Variants in ARIH1 observed in about 807,000 individuals in gnomAD.
ARIH1 encodes the protein E3 ubiquitin-protein ligase ARIH1.
Under a neutral mutation model 85.0 loss-of-function variants are expected in ARIH1, and 8 were observed. The ratio of observed to expected loss-of-function variants is 0.09; its 90% CI spans 0.06 to 0.17. ARIH1 has a LOEUF of 0.17. Among genes scored for constraint, ARIH1 ranks in the 10% least tolerant of loss-of-function variants. The pLI is 1.00. For synonymous variants in ARIH1, 238 were observed against 253.6 expected (o/e 0.94, Z 0.59); for missense variants, 311 against 718.1 (o/e 0.43, Z 6.48).
intron 1 of ARIH1, among the ~76,000 whole-genome samples, chr15:72,498,961 A>ATTTTTTTTTTTTTTTTTTTT (rs535261674): frequency 1.1e-5 from 1 of 88,450 alleles, no homozygotes. Flanking sequence ...CTTTTCATAA[A>ATTTTTTTTTTTTTTTTTTTT]TTTTTTTTTT....
chr15:72,535,596 T>C (rs1231173861), intron 2 of ARIH1, among the ~76,000 whole-genome samples: 4 of 152,210 alleles, frequency 2.6e-5, no homozygotes, highest in Non-Finnish European at 5.9e-5. Context: ...ATTAGATATA[T>C]TGAAAAATCG....
chr15:72,505,457 C>G (rs1308979658), intron 1 of ARIH1, among the ~76,000 whole-genome samples: 1 of 151,448 alleles, frequency 6.6e-6, no homozygotes, highest in Non-Finnish European at 1.5e-5. Flanking sequence ...CATAATATTT[C>G]AAGTATGAAT....
In ARIH1 at chr15:72,591,472, T is replaced by A. The variant is rs1370520768; in HGVS notation, c.*8180T>A. ...GCAGTGAGGCTCTAGCTCTCTGGAG[T>A]CAGTTGGTCAAGTGGGATTCCTGAG... is the stretch of plus-strand genomic sequence containing the variant. On this transcript the variant is annotated 3_prime_UTR_variant, in exon 14 of 14. Transcript: ENST00000379887. The A allele has an allele frequency of 6.6e-6, 1 of 152,024 alleles. No individual in the cohort carries two copies. Among genetic ancestry groups the A allele is most frequent in the Admixed American group, 6.6e-5 (1 of 15,256 alleles). 9.4% of individuals were successfully genotyped at this position (152,024 alleles called of 1,614,324 possible).
rs2064471741 is a variant in ARIH1 at position 72,602,358 on chromosome 15, C to G, written c.*19066C>G. On this transcript the variant is annotated 3_prime_UTR_variant, in exon 14 of 14. Transcript: ENST00000379887. ...CCAATGCAAGAAATGGAAAGTATCT[C>G]TTGGAAACTAATTTGCATGTTTTTT... is the stretch of plus-strand genomic sequence containing the variant. 6.6e-6 allele frequency: 1 copy of G among 152,178 alleles called. No individual in the cohort carries two copies. 9.4% of individuals were successfully genotyped at this position (152,178 alleles called of 1,614,324 possible). A position where few individuals can be genotyped will look rare whatever the true frequency, so the allele number is the denominator to read the frequency against.
chr15:72,561,602 A>G, intron 6 of ARIH1, 53 bp downstream of exon 6: 1 of 1,040,460 alleles, frequency 9.6e-7, no homozygotes, highest in Non-Finnish European at 1.4e-6. Flanking sequence ...ATTAATAGAA[A>G]TACTATTTTA....
In ARIH1 at chr15:72,594,785, C is replaced by G. The variant is rs1001319186; in HGVS notation, c.*11493C>G. ...TAGTCTGCAAATAATGTTTTTACTTCTTTTTCTGATTTTATGCCTTTTCTT... is the reference window on the plus strand; with the variant it reads ...TAGTCTGCAAATAATGTTTTTACTTGTTTTTCTGATTTTATGCCTTTTCTT... On this transcript the variant is annotated 3_prime_UTR_variant, in exon 14 of 14. Coordinates refer to ENST00000379887, the MANE Select transcript of ARIH1 (RefSeq NM_005744.5). The G allele has an allele frequency of 1.4e-5, 1 of 71,358 alleles. No homozygotes were observed. Among genetic ancestry groups the G allele is most frequent in the African/African-American group, 6.1e-5 (1 of 16,270 alleles). The allele number at this position is 71,358 out of a possible 1,614,324, so 4.4% of individuals were successfully genotyped here. A position where few individuals can be genotyped will look rare whatever the true frequency, so the allele number is the denominator to read the frequency against.
At chr15:72,563,874 CT>C (rs2064207738) in intron 7 of ARIH1, among the ~76,000 whole-genome samples, 1 of 152,168 alleles carries the variant, frequency 6.6e-6, no homozygotes, top group African/African-American at 2.4e-5. Context: ...CAGGTAAATT[CT>C]GCTGATGGTC....
intron 1 of ARIH1, among the ~76,000 whole-genome samples, chr15:72,502,739 G>A (rs887365156): frequency 2.0e-5 from 3 of 152,170 alleles, no homozygotes; most frequent in African/African-American, 7.2e-5. Flanking sequence ...CTGGGAGGCA[G>A]AAGTTGCAGT....
intron 3 of ARIH1, among the ~76,000 whole-genome samples, chr15:72,553,471 G>C (rs1459847102): frequency 6.6e-6 from 1 of 152,104 alleles, no homozygotes; most frequent in Non-Finnish European, 1.5e-5. Flanking sequence ...AGAGTTGTGT[G>C]CCATCGCCAT....
intron 2 of ARIH1, 126 bp downstream of exon 2, chr15:72,518,260 A>C (rs1401609614): frequency 2.9e-6 from 2 of 678,496 alleles, no homozygotes; most frequent in African/African-American, 3.7e-5. Flanking sequence ...GTGTGCAACT[A>C]GTGACTGCTT....
chr15:72,493,448 TTAAA>T (rs752819168), intron 1 of ARIH1, among the ~76,000 whole-genome samples: 1 of 152,300 alleles, frequency 6.6e-6, no homozygotes, highest in East Asian at 1.9e-4. Flanking sequence ...CCCTGCTCAA[TTAAA>T]TAAATATCAG....
chr15:72,484,735 A>G (rs1174546427), intron 1 of ARIH1, among the ~76,000 whole-genome samples: 1 of 148,762 alleles, frequency 6.7e-6, no homozygotes, highest in Non-Finnish European at 1.5e-5. Flanking sequence ...GTGTGTATAT[A>G]TGTATATATA....
chr15:72,530,217 G>A (rs1337353122), intron 2 of ARIH1, among the ~76,000 whole-genome samples: 1 of 152,208 alleles, frequency 6.6e-6, no homozygotes, highest in African/African-American at 2.4e-5. Context: ...TGTTTGAAAA[G>A]TAAGATTATC....
At position 72,518,052 on chromosome 15, in the gene ARIH1, C is replaced by T; in HGVS notation, c.376-15C>T. The T allele has an allele frequency of 6.3e-7, 1 of 1,593,612 alleles. No homozygotes were observed. The highest frequency in any genetic ancestry group is 1.7e-5 in the Admixed American group (1 of 57,870). ...CTATTACCTTAAAATGACTTTTTTTCCCCTCCTTCTTTAGAATCCAGCAAC... is the reference window on the plus strand; with the variant it reads ...CTATTACCTTAAAATGACTTTTTTTTCCCTCCTTCTTTAGAATCCAGCAAC... On this transcript the variant is annotated splice_polypyrimidine_tract_variant and intron_variant, in intron 1 of 13. Coordinates refer to ENST00000379887, the MANE Select transcript of ARIH1 (RefSeq NM_005744.5).
intron 1 of ARIH1, among the ~76,000 whole-genome samples, chr15:72,516,206 AC>A (rs1171339444): frequency 2.0e-5 from 3 of 152,084 alleles, no homozygotes. Context: ...GAAATAGTTT[AC>A]CCCAAGCACC....
Position 72,518,055 on chromosome 15 carries a change from C to T in ARIH1, c.376-12C>T. On this transcript the variant is annotated splice_polypyrimidine_tract_variant and intron_variant, in intron 1 of 13. Transcript: ENST00000379887. ...TTACCTTAAAATGACTTTTTTTCCC[C>T]TCCTTCTTTAGAATCCAGCAACTAT... The T allele has an allele frequency of 6.3e-7, 1 of 1,599,698 alleles. No homozygotes were observed. The highest frequency in any genetic ancestry group is 2.2e-5 in the East Asian group (1 of 44,694).
At chr15:72,485,984 A>G (rs1328662567) in intron 1 of ARIH1, among the ~76,000 whole-genome samples, 1 of 152,150 alleles carries the variant, frequency 6.6e-6, no homozygotes, top group Non-Finnish European at 1.5e-5. Flanking sequence ...TGGTCCTTGC[A>G]TTATTTTCAG....
rs2064345439 is a variant in ARIH1 at position 72,592,017 on chromosome 15, G to A, written c.*8725G>A. 6.6e-6 allele frequency: 1 copy of A among 152,218 alleles called. No individual in the cohort carries two copies. The highest frequency in any genetic ancestry group is 2.1e-4 in the South Asian group (1 of 4,824). The allele number at this position is 152,218 out of a possible 1,614,324, so 9.4% of individuals were successfully genotyped here. A position where few individuals can be genotyped will look rare whatever the true frequency, so the allele number is the denominator to read the frequency against. On this transcript the variant is annotated 3_prime_UTR_variant, in exon 14 of 14. Coordinates refer to ENST00000379887, the MANE Select transcript of ARIH1 (RefSeq NM_005744.5). ...AATTTGGAGTGTTGTAAAGGTCAGGGCAGCAAATGCTAGAGAGTGGGATTA... is the reference window on the plus strand; with the variant it reads ...AATTTGGAGTGTTGTAAAGGTCAGGACAGCAAATGCTAGAGAGTGGGATTA...
intron 1 of ARIH1, among the ~76,000 whole-genome samples, chr15:72,493,146 T>G (rs2063866035): frequency 6.6e-6 from 1 of 152,174 alleles, no homozygotes; most frequent in South Asian, 2.1e-4. Context: ...TGTCTTCCTG[T>G]AGCTTTTTAC....
Sources: allele counts gnomAD v4.1 joint callset (sites outside exome capture counted in the v4.1 genomes callset), GRCh38; gene constraint gnomAD v4.1.1; transcripts MANE v1.5; gene names NCBI Gene and HGNC (gene_info 2026-07-23, HGNC 2026-07-21).